PPP1R13L: variants seen among roughly 807,000 people sequenced by gnomAD.
PPP1R13L encodes the protein relA-associated inhibitor.
In PPP1R13L, 50 loss-of-function variants were observed where a neutral mutation model predicts 80.9. The ratio of observed to expected loss-of-function variants is 0.62; its 90% confidence interval spans 0.49 to 0.78. The LOEUF (loss-of-function observed/expected upper bound fraction) is 0.78. Ranked by LOEUF, PPP1R13L falls within the 30% of genes least tolerant of loss-of-function variation. The pLI is 0.00. For missense variants in PPP1R13L, 1,200 were observed against 1,205.9 expected (o/e 1.00, Z 0.07); for synonymous variants, 602 against 534.3 (o/e 1.13, Z -1.75).
rs1426112698 is a variant in PPP1R13L at position 45,384,079 on chromosome 19, CTT to C, written c.2249-1355_2249-1354del. On this transcript the variant is annotated intron_variant, in intron 11 of 12. Transcript: ENST00000360957. Reference sequence around the variant, plus strand: ...CCGCGCCTGGCTTTCTTTTTCTTTTCTTTTCTTTTTTTTTTTCAGACAAGGTC... The same window carrying C: ...CCGCGCCTGGCTTTCTTTTTCTTTTCTTCTTTTTTTTTTTCAGACAAGGTC... 2.0e-5 allele frequency among the ~76,000 whole-genome samples: 3 copies of C among 150,990 alleles called. No homozygotes were observed. In the South Asian group the frequency reaches 6.3e-4, roughly 32 times the overall value.
In PPP1R13L at chr19:45,391,890, G is replaced by T; in HGVS notation, c.1805C>A (p.Pro602Gln). 6.8e-7 allele frequency: 1 copy of T among 1,478,118 alleles called. No individual in the cohort carries two copies. Among genetic ancestry groups the T allele is most frequent in the South Asian group, 1.5e-5 (1 of 68,348 alleles). 91.6% of individuals were successfully genotyped at this position (1,478,118 alleles called of 1,614,324 possible). The change falls in exon 8 of 13, where the codon CCG becomes CAG. Residue 602 changes from proline (P) to glutamine (Q), a missense_variant. Transcript: ENST00000360957. ...APSQSSPPEQ[P>Q]QSMEMRSVLR... ...TCCTGTATTACTTACCATGCTCTGC[G>T]GCTGCTCTGGTGGGCTGCTCTGGGA...
chr19:45,397,468 CTCTCTCTTTCTTTCTTTCTTTCTT>C (rs1160119730), intron 3 of PPP1R13L, among the ~76,000 whole-genome samples: 2,859 of 86,664 alleles, frequency 0.033, 119 homozygotes, highest in African/African-American at 0.11. Flanking sequence ...TGCTTTCTCT[CTCTCTCTTTCTTTCTTTCTTTCTT>C]TCTTTCTTTC....
chr19:45,399,408 A>G (rs1288349970), intron 1 of PPP1R13L, among the ~76,000 whole-genome samples: 1 of 141,066 alleles, frequency 7.1e-6, no homozygotes, highest in Non-Finnish European at 1.5e-5. Flanking sequence ...GCGGATCACG[A>G]GGTCAGGAGA....
intron 8 of PPP1R13L, among the ~76,000 whole-genome samples, chr19:45,389,258 C>A (rs1181082722): frequency 6.6e-6 from 1 of 152,136 alleles, no homozygotes; most frequent in Non-Finnish European, 1.5e-5. Flanking sequence ...CCTCAAGGTT[C>A]CTTGCCTTTA....
Position 45,396,097 on chromosome 19 carries a change from C to A in PPP1R13L, c.903+71G>T. The A allele has an allele frequency of 2.0e-6, 3 of 1,500,988 alleles. No homozygotes were observed. Among genetic ancestry groups the A allele is most frequent in the Non-Finnish European group, 2.7e-6 (3 of 1,112,328 alleles). 93.0% of individuals were successfully genotyped at this position (1,500,988 alleles called of 1,614,324 possible). On this transcript the variant is annotated intron_variant, in intron 6 of 12. Coordinates refer to ENST00000360957, the MANE Select transcript of PPP1R13L (RefSeq NM_006663.4). The surrounding 1 kb of genome is among the most constrained non-coding windows in gnomAD (Gnocchi z 5.3). ...ATCGCAGCCCCGAGGGGGAGACTGG[C>A]CTTGACCCCGCTCCCCCACCCCACT... is the stretch of plus-strand genomic sequence containing the variant.
At chr19:45,389,003 G>A (rs1972919161) in intron 8 of PPP1R13L, among the ~76,000 whole-genome samples, 1 of 152,184 alleles carries the variant, frequency 6.6e-6, no homozygotes, top group South Asian at 2.1e-4. Flanking sequence ...CTCCCAAGGT[G>A]CTGGGATTAC....
At chr19:45,389,416 G>A (rs1252538285) in intron 8 of PPP1R13L, among the ~76,000 whole-genome samples, 1 of 152,104 alleles carries the variant, frequency 6.6e-6, no homozygotes, top group Non-Finnish European at 1.5e-5. Context: ...CAAGATGCAG[G>A]GACCAAGATC....
In PPP1R13L at chr19:45,395,789, C is replaced by T; in HGVS notation, c.1001G>A (p.Gly334Asp). 1 of 1,573,274 alleles carries T rather than the reference C, an allele frequency of 6.4e-7. No homozygotes were observed. The highest frequency in any genetic ancestry group is 8.6e-7 in the Non-Finnish European group (1 of 1,163,218). Reference sequence around the variant, plus strand: ...CAAAGTGCCCGACGGCCCCGCGGAGCCCAGCGAGCGCCGGTAGCTGCCCGC... The same window carrying T: ...CAAAGTGCCCGACGGCCCCGCGGAGTCCAGCGAGCGCCGGTAGCTGCCCGC... The part of the protein sequence containing the change: ...SDAGSYRRSL[G>D]SAGPSGTLPR... The change falls in exon 7 of 13, where the codon GGC becomes GAC. Residue 334 changes from glycine to aspartate, a missense_variant. Around this residue, in one of 5 missense-constraint regions of PPP1R13L, gnomAD observed 764 missense variants for 714.5 expected, o/e 1.07. Transcript: ENST00000360957.
chr19:45,385,748 G>A lies in PPP1R13L; in HGVS notation c.2082-20C>T, dbSNP rs768853465. Reference sequence around the variant, plus strand: ...GGTGTCCTAGGCGTGGGGGTGGGGGGTTGCGGGGAACGATGCGTGAGAGGC... The same window carrying A: ...GGTGTCCTAGGCGTGGGGGTGGGGGATTGCGGGGAACGATGCGTGAGAGGC... On this transcript the variant is annotated intron_variant, in intron 10 of 12. Transcript: ENST00000360957. 5 of 1,608,052 alleles carry A rather than the reference G, an allele frequency of 3.1e-6. No homozygotes were observed. Among genetic ancestry groups the A allele is most frequent in the African/African-American group, 1.3e-5 (1 of 74,840 alleles).
intron 2 of PPP1R13L, 42 bp downstream of exon 2, chr19:45,398,222 G>T (rs1181746743): frequency 3.7e-6 from 6 of 1,613,018 alleles, no homozygotes; most frequent in Non-Finnish European, 5.1e-6. Flanking sequence ...GCCCGCTGCC[G>T]AGGTCCCCGC....
intron 12 of PPP1R13L, 97 bp from the exon 13 acceptor site, chr19:45,380,325 G>GGGGT: frequency 4.1e-6 from 6 of 1,463,534 alleles, no homozygotes; most frequent in Non-Finnish European, 4.8e-6. Flanking sequence ...CCCTTCCTAA[G>GGGGT]GGGACCTCTC....
Position 45,391,806 on chromosome 19 carries a change from A to G in PPP1R13L, c.1815+74T>C, listed in dbSNP as rs187746647. The G allele has an allele frequency of 2.8e-3, 3,452 of 1,216,436 alleles. 11 individuals are homozygous for G. The highest frequency in any genetic ancestry group is 3.4e-3 in the Non-Finnish European group (3,122 of 912,780). The allele number at this position is 1,216,436 out of a possible 1,614,324, so 75.4% of individuals were successfully genotyped here. ...ACTTCGATCTCATCTAAGCCACTATATTTGGGGGGCTCTTTGCTACAGCTC... is the reference window on the plus strand; with the variant it reads ...ACTTCGATCTCATCTAAGCCACTATGTTTGGGGGGCTCTTTGCTACAGCTC... On this transcript the variant is annotated intron_variant, in intron 8 of 12. Coordinates refer to ENST00000360957, the MANE Select transcript of PPP1R13L (RefSeq NM_006663.4).
Position 45,396,261 on chromosome 19 carries a change from T to G in PPP1R13L, c.812-2A>C, listed in dbSNP as rs1347700207. On this transcript the variant is annotated splice_acceptor_variant, in intron 5 of 12. Transcript: ENST00000360957. LOFTEE classifies it high-confidence loss of function. The surrounding 1 kb of genome is among the most constrained non-coding windows in gnomAD (Gnocchi z 5.3). ...CAGGCCTTGCGAAGACGTCCAGGCC[T>G]GCGGGGCGGGAATCATTAGGGTCTG... The G allele has an allele frequency of 3.7e-6, 6 of 1,612,126 alleles. No homozygotes were observed. In the South Asian group the frequency reaches 5.5e-5, roughly 15 times the overall value.
At chr19:45,392,819 A>G (rs1421490488) in intron 7 of PPP1R13L, 5 of 250,094 alleles carry the variant, frequency 2.0e-5, no homozygotes, top group Non-Finnish European at 3.9e-5. Flanking sequence ...CTGGTGTTTA[A>G]TGATTTCTTC....
rs1384815703 is a variant in PPP1R13L, at chr19:45,396,349, G to T, written c.800C>A (p.Ala267Glu). The change falls in exon 5 of 13, where the codon GCG becomes GAG. Residue 267 changes from alanine to glutamate, a missense_variant. Physicochemically the swap from Ala to Glu is moderately radical, Grantham distance 107 (BLOSUM62 -1). Transcript: ENST00000360957. The surrounding 1 kb of genome is among the most constrained non-coding windows in gnomAD (Gnocchi z 5.3). ...VAYEKKPSQT[A>E]SYERLDVFAR... ...CCTCCACCACTCACGTTCATAGCTCGCTGTCTGCGAAGGCTTCTTCTCGTA... is the reference window on the plus strand; with the variant it reads ...CCTCCACCACTCACGTTCATAGCTCTCTGTCTGCGAAGGCTTCTTCTCGTA... 2 of 1,613,948 alleles carry T rather than the reference G, an allele frequency of 1.2e-6. No homozygotes were observed. Among genetic ancestry groups the T allele is most frequent in the African/African-American group, 1.3e-5 (1 of 74,936 alleles).
chr19:45,388,164 T>C (rs1190263272), intron 8 of PPP1R13L, among the ~76,000 whole-genome samples: 1 of 150,906 alleles, frequency 6.6e-6, no homozygotes, highest in Non-Finnish European at 1.5e-5. Flanking sequence ...TGAGACTCCA[T>C]CTCAAAAAAG....
At position 45,398,166 on chromosome 19, in the gene PPP1R13L, A is replaced by C; in HGVS notation, c.56-19T>G. 6.2e-7 allele frequency: 1 copy of C among 1,613,110 alleles called. No homozygotes were observed. Among genetic ancestry groups the C allele is most frequent in the Non-Finnish European group, 8.5e-7 (1 of 1,179,272 alleles). On this transcript the variant is annotated intron_variant, in intron 2 of 12. Coordinates refer to ENST00000360957, the MANE Select transcript of PPP1R13L (RefSeq NM_006663.4). ...GCCAGCGCTGGGAAGGTGGGAGTGG[A>C]GGTAAGGACCTGGCCTCCTGGCAGG...
chr19:45,392,375 C>T lies in PPP1R13L; in HGVS notation c.1355-35G>A, dbSNP rs979554501. On this transcript the variant is annotated intron_variant, in intron 7 of 12. Coordinates refer to ENST00000360957, the MANE Select transcript of PPP1R13L (RefSeq NM_006663.4). ...ACAAGAGCCCATCAGAGGACAGGTC[C>T]CCAGGAGACACCCAACACTCCCTCT... 1.9e-6 allele frequency: 3 copies of T among 1,596,350 alleles called. No individual in the cohort carries two copies. In the African/African-American group the frequency reaches 4.0e-5, roughly 21 times the overall value.
intron 1 of PPP1R13L, among the ~76,000 whole-genome samples, chr19:45,401,764 T>C (rs1376504540): frequency 6.6e-6 from 1 of 151,800 alleles, no homozygotes; most frequent in African/African-American, 2.4e-5. Flanking sequence ...GATGGTATAG[T>C]GCAGCTGGTA....
Sources: allele counts gnomAD v4.1 joint callset (sites outside exome capture counted in the v4.1 genomes callset), GRCh38; gene constraint gnomAD v4.1.1; regional missense constraint gnomAD v4.1.1; non-coding constraint Gnocchi (gnomAD v3.1); transcripts MANE v1.5; gene names NCBI Gene and HGNC (gene_info 2026-07-23, HGNC 2026-07-21).